Variants in CACNA1E observed in about 807,000 individuals in gnomAD.
CACNA1E encodes the protein calcium voltage-gated channel subunit alpha1 E, also known as voltage-dependent R-type calcium channel subunit alpha-1E.
A neutral mutation model predicts 259.2 loss-of-function variants in CACNA1E; 40 were observed. The ratio of observed to expected loss-of-function variants is 0.15; its 90% CI spans 0.12 to 0.20. CACNA1E has a LOEUF of 0.20. Ranked by LOEUF, CACNA1E falls within the 10% of genes least tolerant of loss-of-function variation. The pLI is 1.00. For synonymous variants in CACNA1E, 1,104 were observed against 1,138.5 expected (o/e 0.97, Z 0.61); for missense variants, 1,874 against 3,040.1 (o/e 0.62, Z 9.02).
intron 7 of CACNA1E, among the ~76,000 whole-genome samples, chr1:181,702,942 T>C (rs1010283863): frequency 3.3e-5 from 5 of 152,238 alleles, no homozygotes; most frequent in Non-Finnish European, 7.3e-5. Context: ...TGCAGTATAA[T>C]GTAAGCTCTG....
At chr1:181,635,543 A>T (rs73059741) in intron 6 of CACNA1E, among the ~76,000 whole-genome samples, 4,323 of 152,142 alleles carry the variant, frequency 0.028, 185 homozygotes, top group African/African-American at 0.095. Context: ...CTCATGGTAG[A>T]CTTCTTATTT....
At position 181,715,409 on chromosome 1, in the gene CACNA1E, T is replaced by C. The variant is rs1653795505; in HGVS notation, c.1225+18T>C. 1 of 1,515,226 alleles carries C rather than the reference T, an allele frequency of 6.6e-7. No homozygotes were observed. Among genetic ancestry groups the C allele is most frequent in the African/African-American group, 1.4e-5 (1 of 73,230 alleles). 93.9% of individuals were successfully genotyped at this position (1,515,226 alleles called of 1,614,324 possible). A position where few individuals can be genotyped will look rare whatever the true frequency, so the allele number is the denominator to read the frequency against. On this transcript the variant is annotated intron_variant, in intron 9 of 47. Coordinates refer to ENST00000367573, the MANE Select transcript of CACNA1E (RefSeq NM_001205293.3). ...CTTAGAAGGTAAGGAAATGTTCTGATGCCTTATTCCAGTTGCATTTGCCCC... is the reference window on the plus strand; with the variant it reads ...CTTAGAAGGTAAGGAAATGTTCTGACGCCTTATTCCAGTTGCATTTGCCCC...
chr1:181,404,885 T>C (rs575614447), intron 1 of CACNA1E, among the ~76,000 whole-genome samples: 1 of 152,354 alleles, frequency 6.6e-6, no homozygotes, highest in Admixed American at 6.5e-5. Flanking sequence ...TGTGAGGCAC[T>C]CGAGGGCTGT....
intron 3 of CACNA1E, among the ~76,000 whole-genome samples, chr1:181,562,361 AT>A (rs1474781176): frequency 1.3e-5 from 2 of 152,118 alleles, no homozygotes; most frequent in Non-Finnish European, 2.9e-5. Context: ...CTTAATTGGA[AT>A]TTGTTTGATT....
At chr1:181,346,097 C>T (rs1164433951) in intron 1 of CACNA1E, among the ~76,000 whole-genome samples, 5 of 152,162 alleles carry the variant, frequency 3.3e-5, no homozygotes, top group Non-Finnish European at 7.4e-5. Context: ...CGCAGCAGGA[C>T]GGCAGGAGTG....
intron 6 of CACNA1E, among the ~76,000 whole-genome samples, chr1:181,621,960 G>C (rs1024423623): frequency 2.0e-5 from 3 of 152,126 alleles, no homozygotes; most frequent in African/African-American, 7.2e-5. Context: ...TCCTCAAGGG[G>C]CATACAAGAC....
At chr1:181,665,305 C>CAATTCATAAATGA in intron 7 of CACNA1E, among the ~76,000 whole-genome samples, 1 of 152,210 alleles carries the variant, frequency 6.6e-6, no homozygotes, top group South Asian at 2.1e-4. Flanking sequence ...TCATATACTC[C>CAATTCATAAATGA]AGGATTTGTC....
chr1:181,578,295 G>GT (rs1482901292), intron 4 of CACNA1E, among the ~76,000 whole-genome samples: 1 of 152,150 alleles, frequency 6.6e-6, no homozygotes, highest in Non-Finnish European at 1.5e-5. Context: ...GCTCACACCT[G>GT]TAATCCTAGC....
rs57584531 is a variant in CACNA1E at position 181,491,657 on chromosome 1, C to T, written c.266+7647C>T. Among the ~76,000 whole-genome samples, 285 of 152,312 alleles carry T rather than the reference C, an allele frequency of 1.9e-3. 2 individuals carry two copies. The highest frequency in any genetic ancestry group is 6.6e-3 in the African/African-American group (275 of 41,564). On this transcript the variant is annotated intron_variant, in intron 1 of 47. Coordinates refer to ENST00000367573, the MANE Select transcript of CACNA1E (RefSeq NM_001205293.3). ...TGAGGAGGCTTTGAGACTTCTCTAA[C>T]AAAATGCTGATGACCTTGAGACCAG...
chr1:181,611,396 G>A (rs1471881305), intron 6 of CACNA1E, among the ~76,000 whole-genome samples: 1 of 146,502 alleles, frequency 6.8e-6, no homozygotes, highest in African/African-American at 2.6e-5. Context: ...TGATTTTTAA[G>A]TCAGTGTTTT....
At chr1:181,606,124 T>C (rs1327212053) in intron 6 of CACNA1E, among the ~76,000 whole-genome samples, 1 of 152,158 alleles carries the variant, frequency 6.6e-6, no homozygotes, top group Non-Finnish European at 1.5e-5. Flanking sequence ...GGAGATCTTT[T>C]TGAAGTCTCT....
intron 2 of CACNA1E, among the ~76,000 whole-genome samples, chr1:181,425,553 A>G (rs1659115861): frequency 9.2e-6 from 1 of 108,942 alleles, no homozygotes; most frequent in Non-Finnish European, 1.8e-5. Context: ...CCCCAAGCAG[A>G]GTTAGACACC....
chr1:181,796,003 C>T (rs1020835482), intron 46 of CACNA1E, among the ~76,000 whole-genome samples: 1 of 151,894 alleles, frequency 6.6e-6, no homozygotes, highest in African/African-American at 2.4e-5. Context: ...GTGCCACCTT[C>T]CCCCCAAAAA....
chr1:181,357,136 G>A (rs182887858), intron 1 of CACNA1E, among the ~76,000 whole-genome samples: 3 of 152,198 alleles, frequency 2.0e-5, no homozygotes, highest in African/African-American at 7.2e-5. Context: ...ACCCACTGCT[G>A]GAAAGGAGCC....
intron 1 of CACNA1E, among the ~76,000 whole-genome samples, chr1:181,484,849 C>T (rs1663644514): frequency 6.6e-6 from 1 of 152,234 alleles, no homozygotes; most frequent in African/African-American, 2.4e-5. Context: ...CATGCAGTCT[C>T]TCTCTCCCTA....
At chr1:181,369,203 A>G (rs12039057) in intron 1 of CACNA1E, among the ~76,000 whole-genome samples, 50,236 of 152,144 alleles carry the variant, frequency 0.33, 8,921 homozygotes, top group African/African-American at 0.47. Context: ...GCTCCAAGGT[A>G]TTTCTAGCTT....
intron 12 of CACNA1E, among the ~76,000 whole-genome samples, chr1:181,718,659 CACACACA>C (rs1558302840): frequency 5.1e-4 from 76 of 148,648 alleles, no homozygotes; most frequent in Non-Finnish European, 9.2e-4. Context: ...CACACACACA[CACACACA>C]CCCTTATATT....
At chr1:181,571,769 G>C (rs971161870) in intron 3 of CACNA1E, among the ~76,000 whole-genome samples, 10 of 152,152 alleles carry the variant, frequency 6.6e-5, no homozygotes. Context: ...ATCGATATGG[G>C]TAATTTCTGG....
Position 181,384,465 on chromosome 1 carries a change from C to T in CACNA1E, c.-14-28668C>T, listed in dbSNP as rs141833337. 3.4e-3 allele frequency among the ~76,000 whole-genome samples: 520 copies of T among 152,284 alleles called. 4 individuals are homozygous for T. The highest frequency in any genetic ancestry group is 0.011 in the African/African-American group (473 of 41,552). On this transcript the variant is annotated intron_variant, in intron 1 of 11. Transcript: ENST00000524607. The stretch of plus-strand genomic sequence containing the variant: ...GGAAAAATGGAGGCCCTCCAAGCAA[C>T]ACTACTTCCTTTTTCCATGTAGGGT...
Sources: gnomAD v4.1 joint callset for allele counts (sites outside exome capture counted in the v4.1 genomes callset) on GRCh38, gnomAD v4.1.1 for gene constraint, MANE v1.5 for transcripts, NCBI Gene and HGNC (gene_info 2026-07-23, HGNC 2026-07-21) for gene names.